Variants in TSLP observed in about 807,000 individuals in gnomAD.
TSLP encodes the protein thymic stromal lymphopoietin.
Under a neutral mutation model 12.4 loss-of-function variants are expected in TSLP, and 12 were observed. That is an observed-to-expected ratio of 0.97 (90% CI 0.62 to 1.57). The LOEUF is 1.57. Among genes scored for constraint, TSLP ranks in the 40% most tolerant of loss-of-function variants. The pLI is 0.00. For missense variants in TSLP, 222 were observed against 189.6 expected, an observed-to-expected ratio of 1.17 and a Z score of -1.00; for synonymous variants, 97 against 69.5, an observed-to-expected ratio of 1.40 and a Z score of -1.97.
intron 3 of TSLP, among the ~76,000 whole-genome samples, chr5:111,075,333 A>G (rs1450607493): frequency 1.3e-5 from 2 of 152,112 alleles, no homozygotes; most frequent in East Asian, 1.9e-4. Flanking sequence ...ATATACTGCA[A>G]TCCTCTTTAA....
chr5:111,072,008 A>G lies in TSLP; in HGVS notation c.118A>G (p.Lys40Glu). The G allele has an allele frequency of 6.2e-7, 1 of 1,614,230 alleles. No individual in the cohort carries two copies. The highest frequency in any genetic ancestry group is 8.5e-7 in the Non-Finnish European group (1 of 1,180,046). ...DFTNCDFEKI[K>E]AAYLSTISKD... ...CACTAACTGTGACTTTGAGAAGATT[A>G]AAGCAGCCTATCTCAGTACTATTTC... is the stretch of plus-strand genomic sequence containing the variant. Residue 40 changes from lysine to glutamate, a missense_variant, in exon 1 of 4, where the codon AAA (lysine) becomes GAA (glutamate). By Grantham distance (56) the Lys-to-Glu change is moderately conservative. Coordinates refer to ENST00000344895, the MANE Select transcript of TSLP (RefSeq NM_033035.5).
chr5:111,072,905 C>T lies in TSLP; in HGVS notation c.189C>T (p.Phe63=). 12 of 1,614,202 alleles carry T rather than the reference C, an allele frequency of 7.4e-6. No homozygotes were observed. The highest frequency in any genetic ancestry group is 8.5e-6 in the Non-Finnish European group (10 of 1,180,036). The part of the protein sequence containing the change: ...TYMSGTKSTE[F]NNTVSCSNRP... ...TCTTCCAGACCAAAAGTACCGAGTTCAACAACACCGTCTCTTGTAGCAATC... is the reference window on the plus strand; with the variant it reads ...TCTTCCAGACCAAAAGTACCGAGTTTAACAACACCGTCTCTTGTAGCAATC... Residue 63 remains phenylalanine (F), a synonymous_variant, in exon 2 of 4, where the codon TTC becomes TTT. Coordinates refer to ENST00000344895, the MANE Select transcript of TSLP (RefSeq NM_033035.5).
chr5:111,074,107 T>A (rs1004234637), intron 3 of TSLP, among the ~76,000 whole-genome samples: 1 of 152,238 alleles, frequency 6.6e-6, no homozygotes, highest in African/African-American at 2.4e-5. Flanking sequence ...TTGCTAAATG[T>A]ATAATTACAT....
At position 111,077,871 on chromosome 5, in the gene TSLP, A is replaced by G. The variant is rs1200229452; in HGVS notation, c.*1797A>G. 1 of 152,662 alleles carries G rather than the reference A, an allele frequency of 6.6e-6. No individual in the cohort carries two copies. 9.5% of individuals were successfully genotyped at this position (152,662 alleles called of 1,614,324 possible). A position where few individuals can be genotyped will look rare whatever the true frequency, so the allele number is the denominator to read the frequency against. On this transcript the variant is annotated 3_prime_UTR_variant, in exon 4 of 4. Coordinates refer to ENST00000344895, the MANE Select transcript of TSLP (RefSeq NM_033035.5). The stretch of plus-strand genomic sequence containing the variant: ...AGTAATGGGCAAGAGATTGCATCAT[A>G]CTAATTTAGTAAGAACGTTCCCAAA...
upstream of TSLP, chr5:111,071,395 G>C: frequency 1.4e-6 from 2 of 1,472,886 alleles, no homozygotes; most frequent in Non-Finnish European, 1.8e-6. Flanking sequence ...GTTTCAGAAG[G>C]TGTTTCTCCC....
At position 111,075,984 on chromosome 5, in the gene TSLP, G is replaced by A; in HGVS notation, c.390G>A (p.Arg130=). Residue 130 remains arginine, a synonymous_variant, in exon 4 of 4, where the codon AGG becomes AGA. Transcript: ENST00000344895. ...AGGCAATGAAGAAGAGGAGAAAAAG[G>A]AAAGTCACAACCAATAAATGTCTGG... ...ATQAMKKRRK[R]KVTTNKCLEQ... 6.2e-7 allele frequency: 1 copy of A among 1,613,944 alleles called. No homozygotes were observed. The highest frequency in any genetic ancestry group is 1.1e-5 in the South Asian group (1 of 91,052).
chr5:111,074,367 G>C (rs1002323577), intron 3 of TSLP, among the ~76,000 whole-genome samples: 5 of 152,150 alleles, frequency 3.3e-5, no homozygotes, highest in Non-Finnish European at 7.4e-5. Context: ...AGCTTCATGG[G>C]TAAAGTAAGT....
chr5:111,071,600 C>A, upstream of TSLP: 6 of 1,490,288 alleles, frequency 4.0e-6, no homozygotes, highest in Non-Finnish European at 5.4e-6. Flanking sequence ...TTCACATCAT[C>A]AATTCAGAAT....
chr5:111,071,426 G>A (rs116647695), upstream of TSLP: 12,682 of 1,511,542 alleles, frequency 8.4e-3, 93 homozygotes, highest in African/African-American at 0.016. Context: ...GATTGGTCAC[G>A]GAAATGCCCT....
Position 111,073,584 on chromosome 5 carries a change from T to C in TSLP, c.290T>C (p.Met97Thr), listed in dbSNP as rs1752403946. 6.2e-7 allele frequency: 1 copy of C among 1,614,144 alleles called. No individual in the cohort carries two copies. Among genetic ancestry groups the C allele is most frequent in the Non-Finnish European group, 8.5e-7 (1 of 1,180,026 alleles). The change falls in exon 3 of 4, where the codon ATG becomes ACG. Residue 97 changes from methionine (M) to threonine (T), a missense_variant. Met to Thr is a moderately conservative substitution (Grantham distance 81). Coordinates refer to ENST00000344895, the MANE Select transcript of TSLP (RefSeq NM_033035.5). ...TAGCASLAKE[M>T]FAMKTKAALA... ...GGCTGCGCGTCGCTCGCCAAAGAAA[T>C]GTTCGCCATGAAAACTAAGGCTGCC...
upstream of TSLP, chr5:111,071,409 TAGAA>T: frequency 6.7e-7 from 1 of 1,495,086 alleles, no homozygotes; most frequent in South Asian, 1.3e-5. Context: ...TTCTCCCAAA[TAGAA>T]AGGATTGGTC....
At position 111,077,580 on chromosome 5, in the gene TSLP, C is replaced by G. The variant is rs1370309070; in HGVS notation, c.*1506C>G. 2 of 152,540 alleles carry G rather than the reference C, an allele frequency of 1.3e-5. No individual in the cohort carries two copies. Among genetic ancestry groups the G allele is most frequent in the Non-Finnish European group, 2.9e-5 (2 of 68,032 alleles). 9.4% of individuals were successfully genotyped at this position (152,540 alleles called of 1,614,324 possible). On this transcript the variant is annotated 3_prime_UTR_variant, in exon 4 of 4. Coordinates refer to ENST00000344895, the MANE Select transcript of TSLP (RefSeq NM_033035.5). ...AGAGAAATTTCTTTGTCTATTAACT[C>G]CATTTTAGTAGGGATTCACTGACTA...
chr5:111,073,353 CTT>C, intron 2 of TSLP, 156 bp from the exon 3 acceptor site: 1 of 1,486,222 alleles, frequency 6.7e-7, no homozygotes, highest in African/African-American at 1.4e-5. Context: ...TTGGTTCTTC[CTT>C]GCTCTACTCA....
rs960894139 is a variant in TSLP at position 111,072,218 on chromosome 5, T to A, written c.171+157T>A. On this transcript the variant is annotated intron_variant, in intron 1 of 3. Coordinates refer to ENST00000344895, the MANE Select transcript of TSLP (RefSeq NM_033035.5). Reference sequence around the variant, plus strand: ...TTCTTACAAGTGATATTCAAATATCTAATCTAAAATGATTATCTAGAAATT... The same window carrying A: ...TTCTTACAAGTGATATTCAAATATCAAATCTAAAATGATTATCTAGAAATT... Among the ~76,000 whole-genome samples the A allele has an allele frequency of 2.0e-5, 3 of 152,338 alleles. No homozygotes were observed. The South Asian group carries it at 6.2e-4, about 32-fold the overall frequency.
rs1450834481 is a variant in TSLP, at chr5:111,071,975, T to TA, written c.86dup (p.Tyr29Ter). The change falls in exon 1 of 4, where the codon TAC (tyrosine) becomes TAAC (stop). Residue 29 changes from tyrosine (Y) to a stop codon, truncating the protein, a stop_gained and frameshift_variant. Coordinates refer to ENST00000344895, the MANE Select transcript of TSLP (RefSeq NM_033035.5). LOFTEE classifies it high-confidence loss of function. ...ILQLVGLVLT[Y>*]DFTNCDFEKI... ...ACAACTTGTAGGGCTGGTGTTAACT[T>TA]ACGACTTCACTAACTGTGACTTTGA... 1 of 1,614,254 alleles carries TA rather than the reference T, an allele frequency of 6.2e-7. No homozygotes were observed. Among genetic ancestry groups the TA allele is most frequent in the Non-Finnish European group, 8.5e-7 (1 of 1,180,036 alleles).
intron 3 of TSLP, among the ~76,000 whole-genome samples, chr5:111,075,332 A>G (rs1002143686): frequency 1.3e-5 from 2 of 152,186 alleles, no homozygotes; most frequent in Non-Finnish European, 2.9e-5. Flanking sequence ...TATATACTGC[A>G]ATCCTCTTTA....
chr5:111,073,606 T>C lies in TSLP; in HGVS notation c.312T>C (p.Ala104=). The part of the protein sequence containing the change: ...AKEMFAMKTK[A]ALAIWCPGYS... The stretch of plus-strand genomic sequence containing the variant: ...AAATGTTCGCCATGAAAACTAAGGC[T>C]GCCTTAGCTATCTGGTGCCCAGGCT... The change falls in exon 3 of 4, where the codon GCT becomes GCC. Residue 104 remains alanine, a synonymous_variant. Transcript: ENST00000344895. The C allele has an allele frequency of 6.2e-7, 1 of 1,614,232 alleles. No homozygotes were observed. The highest frequency in any genetic ancestry group is 8.5e-7 in the Non-Finnish European group (1 of 1,180,042).
intron 2 of TSLP, 83 bp from the exon 3 acceptor site, chr5:111,073,428 C>G: frequency 1.3e-6 from 2 of 1,591,156 alleles, no homozygotes; most frequent in Admixed American, 1.7e-5. Flanking sequence ...CCTTCCTCCC[C>G]TCCCCTTTCA....
Position 111,077,147 on chromosome 5 carries a change from A to G in TSLP, c.*1073A>G, listed in dbSNP as rs894222656. ...GCAGGCACCCTCTCACTCAATTTCC[A>G]CTCAGAACCCTATAAACACCAGTGG... On this transcript the variant is annotated 3_prime_UTR_variant, in exon 4 of 4. Coordinates refer to ENST00000344895, the MANE Select transcript of TSLP (RefSeq NM_033035.5). 6.6e-6 allele frequency: 1 copy of G among 152,016 alleles called. No homozygotes were observed. The highest frequency in any genetic ancestry group is 1.5e-5 in the Non-Finnish European group (1 of 68,002). 9.4% of individuals were successfully genotyped at this position (152,016 alleles called of 1,614,324 possible).
Sources: allele counts gnomAD v4.1 joint callset (sites outside exome capture counted in the v4.1 genomes callset), GRCh38; gene constraint gnomAD v4.1.1; transcripts MANE v1.5; gene names NCBI Gene and HGNC (gene_info 2026-07-23, HGNC 2026-07-21).